Variants in HTR4 observed in about 807,000 individuals in gnomAD.
HTR4 encodes the protein 5-hydroxytryptamine (serotonin) receptor 4, G protein-coupled.
In HTR4, 16 loss-of-function variants were observed where a neutral mutation model predicts 36.8. The observed-to-expected ratio is 0.43, with a 90% CI of 0.29 to 0.66. The LOEUF (loss-of-function observed/expected upper bound fraction) is 0.66, where lower values mean the gene tolerates loss of function less well. HTR4 is among the 30% of genes least tolerant of loss of function. The pLI is 0.13. For synonymous variants in HTR4, 189 were observed against 185.1 expected (o/e 1.02, Z -0.17); for missense variants, 438 against 490.9 (o/e 0.89, Z 1.02).
intron 5 of HTR4, among the ~76,000 whole-genome samples, chr5:148,457,475 G>A (rs920217633): frequency 8.7e-5 from 13 of 149,760 alleles, no homozygotes; most frequent in Non-Finnish European, 1.3e-4. Flanking sequence ...AATTAGTAGC[G>A]TAATAATAGC....
At chr5:148,516,335 T>C (rs2113784228) in intron 5 of HTR4, among the ~76,000 whole-genome samples, 1 of 145,100 alleles carries the variant, frequency 6.9e-6, no homozygotes, top group East Asian at 2.0e-4. Flanking sequence ...TTTTTTTTTT[T>C]TTGAGACTAG....
intron 2 of HTR4, among the ~76,000 whole-genome samples, chr5:148,578,855 A>G (rs1305489512): frequency 6.6e-6 from 1 of 152,056 alleles, no homozygotes; most frequent in African/African-American, 2.4e-5. Context: ...TTGCTATAAC[A>G]TATTGGAAAG....
intron 1 of HTR4, among the ~76,000 whole-genome samples, chr5:148,644,045 A>G (rs1431002452): frequency 6.6e-6 from 1 of 152,176 alleles, no homozygotes; most frequent in Non-Finnish European, 1.5e-5. Context: ...AAAAATGAAA[A>G]GCCTGGACCC....
At chr5:148,541,659 G>A (rs1759122987) in intron 4 of HTR4, among the ~76,000 whole-genome samples, 1 of 152,206 alleles carries the variant, frequency 6.6e-6, no homozygotes, top group Admixed American at 6.5e-5. Flanking sequence ...ATGCAGTTAT[G>A]AGGAAACATA....
intron 2 of HTR4, among the ~76,000 whole-genome samples, chr5:148,554,834 G>T (rs988682495): frequency 6.6e-6 from 1 of 151,962 alleles, no homozygotes; most frequent in Non-Finnish European, 1.5e-5. Flanking sequence ...AGTGTCTGTT[G>T]TTCCCTTCTT....
At chr5:148,554,154 C>A (rs894917145) in intron 2 of HTR4, among the ~76,000 whole-genome samples, 1 of 152,218 alleles carries the variant, frequency 6.6e-6, no homozygotes, top group African/African-American at 2.4e-5. Flanking sequence ...TGGCTCACTG[C>A]AACCTCTGCC....
chr5:148,575,136 A>G (rs1462941046), intron 2 of HTR4, among the ~76,000 whole-genome samples: 1 of 152,006 alleles, frequency 6.6e-6, no homozygotes, highest in Non-Finnish European at 1.5e-5. Context: ...TCCCCAAGTT[A>G]AAATCATTAG....
intron 2 of HTR4, among the ~76,000 whole-genome samples, chr5:148,614,452 T>C (rs969296528): frequency 6.6e-6 from 1 of 152,196 alleles, no homozygotes; most frequent in Non-Finnish European, 1.5e-5. Context: ...ATTTAATAAA[T>C]GGTGCTGGGA....
chr5:148,578,992 A>G (rs1156482663), intron 2 of HTR4, among the ~76,000 whole-genome samples: 2 of 152,094 alleles, frequency 1.3e-5, no homozygotes, highest in African/African-American at 2.4e-5. Context: ...CAGAAACTCT[A>G]TAGAACCTGT....
chr5:148,516,152 CTTGAA>C (rs1450465689), intron 5 of HTR4, among the ~76,000 whole-genome samples: 1 of 151,414 alleles, frequency 6.6e-6, no homozygotes, highest in Non-Finnish European at 1.5e-5. Flanking sequence ...ATAACATCCT[CTTGAA>C]TTGATATTGT....
chr5:148,603,335 A>G (rs1330350704), intron 2 of HTR4, among the ~76,000 whole-genome samples: 1 of 152,068 alleles, frequency 6.6e-6, no homozygotes, highest in Admixed American at 6.6e-5. Context: ...TATAATTACG[A>G]TTTACAAAGA....
At chr5:148,633,104 G>T (rs1156847580) in intron 2 of HTR4, among the ~76,000 whole-genome samples, 1 of 152,112 alleles carries the variant, frequency 6.6e-6, no homozygotes, top group African/African-American at 2.4e-5. Flanking sequence ...TCTGGAAAGA[G>T]CTGCCTGTTG....
intron 4 of HTR4, among the ~76,000 whole-genome samples, chr5:148,533,026 A>G (rs891529852): frequency 2.0e-5 from 3 of 152,252 alleles, no homozygotes; most frequent in Non-Finnish European, 4.4e-5. Context: ...GAAAACGTCC[A>G]TCGTAATCAA....
chr5:148,502,412 C>A (rs1178797207), intron 6 of HTR4, among the ~76,000 whole-genome samples: 3 of 152,214 alleles, frequency 2.0e-5, no homozygotes, highest in Non-Finnish European at 4.4e-5. Flanking sequence ...CTCCAGCAAA[C>A]TCCAACAGAC....
At chr5:148,562,760 TA>T (rs1203506179) in intron 2 of HTR4, among the ~76,000 whole-genome samples, 3 of 152,176 alleles carry the variant, frequency 2.0e-5, no homozygotes, top group African/African-American at 7.2e-5. Context: ...TTGCTCAGGT[TA>T]AAAATTTGGA....
At position 148,591,314 on chromosome 5, in the gene HTR4, C is replaced by T. The variant is rs557009601; in HGVS notation, c.27-41052G>A. On this transcript the variant is annotated intron_variant, in intron 2 of 6. Transcript: ENST00000377888. Reference sequence around the variant, plus strand: ...AAGAATTTCCTTGGCTATTAGGGCTCTTTTTTGGTTCCATATGAATTTTAA... The same window carrying T: ...AAGAATTTCCTTGGCTATTAGGGCTTTTTTTTGGTTCCATATGAATTTTAA... Among the ~76,000 whole-genome samples, 3 of 152,002 alleles carry T rather than the reference C, an allele frequency of 2.0e-5. No individual in the cohort carries two copies. The South Asian group carries it at 6.2e-4, about 32-fold the overall frequency.
chr5:148,573,096 T>C (rs1352853396), intron 2 of HTR4, among the ~76,000 whole-genome samples: 2 of 152,064 alleles, frequency 1.3e-5, no homozygotes, highest in Non-Finnish European at 2.9e-5. Context: ...CTCTGAACAC[T>C]GTCATGCAGT....
At chr5:148,486,374 C>A (rs750369304) in intron 6 of HTR4, among the ~76,000 whole-genome samples, 14 of 152,102 alleles carry the variant, frequency 9.2e-5, no homozygotes, top group Admixed American at 2.6e-4. Flanking sequence ...ACTCAGGAAG[C>A]CCCTTTCACT....
At chr5:148,530,176 G>A (rs563506183) in intron 4 of HTR4, among the ~76,000 whole-genome samples, 123 of 152,332 alleles carry the variant, frequency 8.1e-4, no homozygotes, top group African/African-American at 2.8e-3. Context: ...TTTCTGAGGA[G>A]AAATTCAAGC....
Sources: gnomAD v4.1 joint callset for allele counts (sites outside exome capture counted in the v4.1 genomes callset) on GRCh38, gnomAD v4.1.1 for gene constraint, MANE v1.5 for transcripts, NCBI Gene and HGNC (gene_info 2026-07-23, HGNC 2026-07-21) for gene names.